Variants in KCNQ1 observed in about 807,000 individuals in gnomAD.
KCNQ1 encodes potassium voltage-gated channel subfamily Q member 1.
In KCNQ1, 49 loss-of-function variants were observed where a neutral mutation model predicts 72.4. That is an observed-to-expected ratio of 0.68 (90% CI 0.54 to 0.86). KCNQ1 has a LOEUF of 0.86. KCNQ1 is among the 40% of genes least tolerant of loss of function. The pLI is 0.00. For synonymous variants in KCNQ1, 450 were observed against 412.6 expected, an observed-to-expected ratio of 1.09 and a Z score of -1.10; for missense variants, 790 against 945.1, an observed-to-expected ratio of 0.84 and a Z score of 2.15.
Position 2,815,800 on chromosome 11 carries a change from T to C in KCNQ1, c.1795-31967T>C, listed in dbSNP as rs1320479074. On this transcript the variant is annotated intron_variant, in intron 15 of 15. Coordinates refer to ENST00000155840, the MANE Select transcript of KCNQ1 (RefSeq NM_000218.3). The surrounding 1 kb of genome is among the most constrained non-coding windows in gnomAD (Gnocchi z 5.4). ...TGGAGCTGCCCCCAGCCCTTCCTGC[T>C]GGCCTCCCCAGAGCTCCAGGCTCTG... is the stretch of plus-strand genomic sequence containing the variant. Among the ~76,000 whole-genome samples, 1 of 152,174 alleles carries C rather than the reference T, an allele frequency of 6.6e-6. No homozygotes were observed. Among genetic ancestry groups the C allele is most frequent in the Non-Finnish European group, 1.5e-5 (1 of 68,004 alleles).
chr11:2,581,423 A>G (rs1848496456), intron 6 of KCNQ1, among the ~76,000 whole-genome samples: 1 of 152,196 alleles, frequency 6.6e-6, no homozygotes, highest in South Asian at 2.1e-4. Flanking sequence ...TGGGGAAGGT[A>G]GCGGCAGCCC....
intron 1 of KCNQ1, among the ~76,000 whole-genome samples, chr11:2,524,070 G>A (rs12099013): frequency 0.023 from 3,467 of 152,230 alleles, 115 homozygotes; most frequent in African/African-American, 0.072. Context: ...GGGATGGCTC[G>A]TGAGAGGGGA....
intron 1 of KCNQ1, among the ~76,000 whole-genome samples, chr11:2,519,635 C>T (rs145234675): frequency 6.6e-6 from 1 of 151,768 alleles, no homozygotes; most frequent in East Asian, 1.9e-4. Context: ...CAAAACAAAA[C>T]AAAACAAAAA....
At chr11:2,485,756 A>C (rs769204853) in intron 1 of KCNQ1, among the ~76,000 whole-genome samples, 8 of 152,178 alleles carry the variant, frequency 5.3e-5, no homozygotes, top group Non-Finnish European at 1.0e-4. Flanking sequence ...TGACTAATCC[A>C]GGAACTTCAT....
intron 1 of KCNQ1, among the ~76,000 whole-genome samples, chr11:2,504,681 C>G (rs1039526352): frequency 6.6e-5 from 10 of 152,166 alleles, no homozygotes; most frequent in Non-Finnish European, 1.5e-5. Context: ...CACTCGAACT[C>G]AGGAGGCGGA....
rs1365505542 is a variant in KCNQ1, at chr11:2,567,418, T to C, written c.478-3210T>C. Among the ~76,000 whole-genome samples, 1 of 152,078 alleles carries C rather than the reference T, an allele frequency of 6.6e-6. No individual in the cohort carries two copies. Among genetic ancestry groups the C allele is most frequent in the Non-Finnish European group, 1.5e-5 (1 of 67,990 alleles). On this transcript the variant is annotated intron_variant, in intron 2 of 15. Transcript: ENST00000155840. This position sits in a 1 kb window ranked among gnomAD's most constrained non-coding sequence, Gnocchi z 6.6. ...GGTCCCGTGAATCAGGGGTGGGCCA[T>C]GGCATGGCGTGGGGGACCAGCCCTC... is the stretch of plus-strand genomic sequence containing the variant.
In KCNQ1 at chr11:2,682,993, T is replaced by C. The variant is rs536677750; in HGVS notation, c.1514+20912T>C. On this transcript the variant is annotated intron_variant, in intron 11 of 15. Transcript: ENST00000155840. The surrounding 1 kb of genome is among the most constrained non-coding windows in gnomAD (Gnocchi z 5.8). ...AGACTGTGCATTCAGACATCTCCCT[T>C]GTGCTGTGCAGCCTTAGTTCTGCCT... 2.5e-6 allele frequency: 1 copy of C among 398,532 alleles called. No individual in the cohort carries two copies. The highest frequency in any genetic ancestry group is 4.4e-6 in the Non-Finnish European group (1 of 226,106). 24.7% of individuals were successfully genotyped at this position (398,532 alleles called of 1,614,324 possible). A position where few individuals can be genotyped will look rare whatever the true frequency, so the allele number is the denominator to read the frequency against.
intron 15 of KCNQ1, among the ~76,000 whole-genome samples, chr11:2,810,261 G>A (rs970235900): frequency 2.4e-4 from 37 of 152,162 alleles, no homozygotes; most frequent in Non-Finnish European, 4.6e-4. Context: ...CCCTGTGGAT[G>A]GCTTTGTTCA....
rs368011737 is a variant in KCNQ1 at position 2,571,364 on chromosome 11, T to G, written c.644T>G (p.Val215Gly). Residue 215 changes from valine (V) to glycine (G), a missense_variant, in exon 4 of 16, where the codon GTG becomes GGG. Physicochemically the swap from Val to Gly is moderately radical, Grantham distance 109. Transcript: ENST00000155840. ...VVVASMVVLCVGSKGQVFATS... is the reference protein window; with the variant it reads ...VVVASMVVLCGGSKGQVFATS... ...GTGGCCTCCATGGTGGTCCTCTGCG[T>G]GGGCTCCAAGGGGCAGGTGTTTGCC... 1 of 1,612,982 alleles carries G rather than the reference T, an allele frequency of 6.2e-7. No individual in the cohort carries two copies. The highest frequency in any genetic ancestry group is 1.3e-5 in the African/African-American group (1 of 74,906).
chr11:2,483,510 C>T lies in KCNQ1; in HGVS notation c.386+38026C>T, dbSNP rs1398018515. 3.3e-5 allele frequency among the ~76,000 whole-genome samples: 5 copies of T among 152,280 alleles called. 1 individual carries two copies. The highest frequency in any genetic ancestry group is 3.4e-3 in the Middle Eastern group (1 of 294). On this transcript the variant is annotated intron_variant, in intron 1 of 15. Coordinates refer to ENST00000155840, the MANE Select transcript of KCNQ1 (RefSeq NM_000218.3). The surrounding 1 kb of genome is among the most constrained non-coding windows in gnomAD (Gnocchi z 6.1). ...TCCGGTTTCTGTTCTGTGATCCCCA[C>T]GTTGCTTTCAGCTGCCAGGTCTCCT...
chr11:2,648,981 C>CTTTTTTTTTTTTTTTTTTTTTTTT, intron 10 of KCNQ1: 23 of 213,286 alleles, frequency 1.1e-4, no homozygotes, highest in African/African-American at 4.0e-4. Flanking sequence ...TTTTCTTTTT[C>CTTTTTTTTTTTTTTTTTTTTTTTT]TTTTTTTTTT....
intron 2 of KCNQ1, among the ~76,000 whole-genome samples, chr11:2,561,453 C>T (rs895958989): frequency 2.0e-5 from 3 of 152,196 alleles, no homozygotes; most frequent in African/African-American, 7.2e-5. Flanking sequence ...TGGGACACCA[C>T]CTTCCTGCTA....
chr11:2,821,065 A>C (rs1055585471), intron 15 of KCNQ1, among the ~76,000 whole-genome samples: 5 of 151,952 alleles, frequency 3.3e-5, no homozygotes, highest in African/African-American at 1.2e-4. Flanking sequence ...GGACATCAGC[A>C]CTCTTCGGAG....
At chr11:2,739,730 C>T (rs559130578) in intron 11 of KCNQ1, among the ~76,000 whole-genome samples, 4 of 152,354 alleles carry the variant, frequency 2.6e-5, no homozygotes, top group East Asian at 1.9e-4. Context: ...TCGGCTGCTC[C>T]GAGGACTGCC....
rs117897154 is a variant in KCNQ1, at chr11:2,533,180, C to T, written c.477+5162C>T. Among the ~76,000 whole-genome samples, 7 of 152,338 alleles carry T rather than the reference C, an allele frequency of 4.6e-5. No individual in the cohort carries two copies. In the East Asian group the frequency reaches 1.2e-3, roughly 25 times the overall value. ...CCCTGTTTTCTCGTTTCTTTTCGTA[C>T]GCCCAGCTTTGCAGTGCCAGAAAGC... On this transcript the variant is annotated intron_variant, in intron 2 of 15. Coordinates refer to ENST00000155840, the MANE Select transcript of KCNQ1 (RefSeq NM_000218.3).
At chr11:2,801,497 C>T (rs557299747) in intron 15 of KCNQ1, among the ~76,000 whole-genome samples, 2 of 152,342 alleles carry the variant, frequency 1.3e-5, no homozygotes, top group South Asian at 4.1e-4. Flanking sequence ...CTTCCTGGCT[C>T]ATAGGCTGGG....
In KCNQ1 at chr11:2,848,337, G is replaced by C. The variant is rs1164267882; in HGVS notation, c.*334G>C. The C allele has an allele frequency of 1.7e-6, 1 of 578,748 alleles. No homozygotes were observed. The highest frequency in any genetic ancestry group is 1.5e-5 in the South Asian group (1 of 65,430). The allele number at this position is 578,748 out of a possible 1,614,324, so 35.9% of individuals were successfully genotyped here. A position where few individuals can be genotyped will look rare whatever the true frequency, so the allele number is the denominator to read the frequency against. On this transcript the variant is annotated 3_prime_UTR_variant, in exon 16 of 16. Transcript: ENST00000155840. ...GGCCTGGCCCATGTATGGCCAGGAA[G>C]TAGCACAGGCTGAGTGCAGGCCCAC...
chr11:2,528,718 T>C (rs1010168117), intron 2 of KCNQ1, among the ~76,000 whole-genome samples: 3 of 152,218 alleles, frequency 2.0e-5, no homozygotes, highest in African/African-American at 7.2e-5. Context: ...TGTGTTTTCC[T>C]GTCTTGTCGT....
intron 2 of KCNQ1, among the ~76,000 whole-genome samples, chr11:2,542,506 T>G (rs887751495): frequency 5.9e-5 from 9 of 152,222 alleles, no homozygotes; most frequent in African/African-American, 2.2e-4. Context: ...AAATGTAGGA[T>G]TTGACAAATC....
Sources: allele counts gnomAD v4.1 joint callset (sites outside exome capture counted in the v4.1 genomes callset), GRCh38; gene constraint gnomAD v4.1.1; non-coding constraint Gnocchi (gnomAD v3.1); transcripts MANE v1.5; gene names NCBI Gene and HGNC (gene_info 2026-07-23, HGNC 2026-07-21).